The following SOCS5 variants were observed in gnomAD, a reference collection of about 807,000 sequenced individuals.
SOCS5 encodes suppressor of cytokine signaling 5.
SOCS5 carries 32 observed loss-of-function variants against 42.8 expected under a neutral mutation model. That is an observed-to-expected ratio of 0.75 (90% CI 0.56 to 1.01). The LOEUF (loss-of-function observed/expected upper bound fraction) is 1.01. SOCS5 is among the 50% of genes least tolerant of loss of function. SOCS5 has a pLI of 0.00. For synonymous variants in SOCS5, 283 were observed against 229.6 expected (o/e 1.23, Z -2.10); for missense variants, 627 against 653.0 (o/e 0.96, Z 0.43).
intron 1 of SOCS5, among the ~76,000 whole-genome samples, chr2:46,703,468 A>G (rs562011509): frequency 1.3e-5 from 2 of 152,268 alleles, no homozygotes; most frequent in African/African-American, 4.8e-5. Context: ...TTTATTGGAC[A>G]TTTATTGCAT....
chr2:46,729,797 C>A (rs973086094), intron 1 of SOCS5, among the ~76,000 whole-genome samples: 2 of 152,194 alleles, frequency 1.3e-5, no homozygotes, highest in African/African-American at 4.8e-5. Flanking sequence ...TCTTCAATAA[C>A]AAATTGACCT....
intron 1 of SOCS5, among the ~76,000 whole-genome samples, chr2:46,710,663 C>T (rs1329205014): frequency 6.6e-6 from 1 of 152,118 alleles, no homozygotes; most frequent in Non-Finnish European, 1.5e-5. Flanking sequence ...ACATCATATT[C>T]AGTGGTGAAA....
At chr2:46,744,327 G>A (rs76436868) in intron 1 of SOCS5, among the ~76,000 whole-genome samples, 2,828 of 152,124 alleles carry the variant, frequency 0.019, 84 homozygotes, top group African/African-American at 0.06. Flanking sequence ...AATAATATAA[G>A]ACCACTTATT....
chr2:46,739,648 C>T (rs944239457), intron 1 of SOCS5, among the ~76,000 whole-genome samples: 2 of 152,170 alleles, frequency 1.3e-5, no homozygotes, highest in African/African-American at 2.4e-5. Flanking sequence ...GTCCCCACCC[C>T]ATCGCATCCC....
chr2:46,720,957 CTGAG>C (rs1672870752), intron 1 of SOCS5, among the ~76,000 whole-genome samples: 1 of 152,140 alleles, frequency 6.6e-6, no homozygotes, highest in Admixed American at 6.6e-5. Flanking sequence ...TGCAGACATC[CTGAG>C]TGAGTCCGTT....
chr2:46,736,164 C>T (rs1673241428), intron 1 of SOCS5, among the ~76,000 whole-genome samples: 1 of 152,050 alleles, frequency 6.6e-6, no homozygotes, highest in South Asian at 2.1e-4. Flanking sequence ...GCCTTGACTT[C>T]CCAAGTAGCT....
intron 1 of SOCS5, among the ~76,000 whole-genome samples, chr2:46,732,262 C>T (rs1057285407): frequency 3.3e-5 from 5 of 152,166 alleles, no homozygotes; most frequent in East Asian, 1.9e-4. Context: ...TATTCCATTC[C>T]GAGAGCACAC....
intron 1 of SOCS5, among the ~76,000 whole-genome samples, chr2:46,738,391 A>G (rs1232186142): frequency 3.9e-5 from 6 of 152,224 alleles, no homozygotes; most frequent in Admixed American, 3.9e-4. Context: ...TGAACTAGGT[A>G]ACATTAAATA....
rs1240498192 is a variant in SOCS5, at chr2:46,750,625, A to G, written c.-12-7894A>G. Among the ~76,000 whole-genome samples the G allele has an allele frequency of 7.9e-5, 12 of 152,326 alleles. No homozygotes were observed. In the East Asian group the frequency reaches 2.1e-3, roughly 27 times the overall value. Reference sequence around the variant, plus strand: ...CAGAGAAGCAGTAGAACTTACTAATATAGAACCATTTGTTACAATAATACC... The same window carrying G: ...CAGAGAAGCAGTAGAACTTACTAATGTAGAACCATTTGTTACAATAATACC... On this transcript the variant is annotated intron_variant, in intron 1 of 1. Coordinates refer to ENST00000394861, the MANE Select transcript of SOCS5 (RefSeq NM_144949.3).
chr2:46,715,716 G>T (rs1672723267), intron 1 of SOCS5, among the ~76,000 whole-genome samples: 1 of 151,866 alleles, frequency 6.6e-6, no homozygotes, highest in Non-Finnish European at 1.5e-5. Flanking sequence ...TTTTCCTTTG[G>T]CTGCTTTTAA....
chr2:46,748,191 T>C (rs1030546471), intron 1 of SOCS5, among the ~76,000 whole-genome samples: 1 of 128,166 alleles, frequency 7.8e-6, no homozygotes, highest in Non-Finnish European at 1.7e-5. Context: ...TTCTTTTTCT[T>C]TTTTTTTTTT....
intron 1 of SOCS5, among the ~76,000 whole-genome samples, chr2:46,758,318 A>C (rs1484449204): frequency 6.6e-6 from 1 of 152,204 alleles, no homozygotes; most frequent in African/African-American, 2.4e-5. Flanking sequence ...GGCTTGAACA[A>C]GGTCAGTGCC....
At chr2:46,711,120 T>G (rs72802426) in intron 1 of SOCS5, among the ~76,000 whole-genome samples, 7,376 of 152,288 alleles carry the variant, frequency 0.048, 258 homozygotes, top group Non-Finnish European at 0.08. Context: ...TGAACATTCT[T>G]GTATAAGTCT....
chr2:46,729,658 A>T (rs748681064), intron 1 of SOCS5, among the ~76,000 whole-genome samples: 2 of 152,190 alleles, frequency 1.3e-5, no homozygotes, highest in Non-Finnish European at 2.9e-5. Context: ...AGCTTGCAGG[A>T]CTGGAAGTTG....
rs557793292 is a variant in SOCS5, at chr2:46,720,696, G to C, written c.-13+21247G>C. Among the ~76,000 whole-genome samples the C allele has an allele frequency of 3.3e-5, 5 of 152,278 alleles. No homozygotes were observed. In the South Asian group the frequency reaches 1.0e-3, roughly 32 times the overall value. ...TGTAAGGGATCTGGTCCAATTCCCT[G>C]TTTTTCAGATGAGTTTACAGAGAAC... On this transcript the variant is annotated intron_variant, in intron 1 of 1. Transcript: ENST00000394861.
Position 46,741,322 on chromosome 2 carries a change from C to T in SOCS5, c.-12-17197C>T, listed in dbSNP as rs183663621. Among the ~76,000 whole-genome samples the T allele has an allele frequency of 7.8e-4, 119 of 152,210 alleles. 3 individuals carry two copies. The East Asian group carries it at 0.016, about 21-fold the overall frequency. On this transcript the variant is annotated intron_variant, in intron 1 of 1. Coordinates refer to ENST00000394861, the MANE Select transcript of SOCS5 (RefSeq NM_144949.3). ...TGGTGCGATCTCAGCTCGCTGCAACCTCCACCTCCCAGGTTCAAGTGATTC... is the reference window on the plus strand; with the variant it reads ...TGGTGCGATCTCAGCTCGCTGCAACTTCCACCTCCCAGGTTCAAGTGATTC...
chr2:46,754,226 T>C (rs968386303), intron 1 of SOCS5, among the ~76,000 whole-genome samples: 1 of 152,180 alleles, frequency 6.6e-6, no homozygotes, highest in Non-Finnish European at 1.5e-5. Context: ...GCCATGCCCA[T>C]AATGTATCAT....
chr2:46,723,204 C>T (rs1021283663), intron 1 of SOCS5, among the ~76,000 whole-genome samples: 2 of 151,818 alleles, frequency 1.3e-5, no homozygotes, highest in Non-Finnish European at 2.9e-5. Context: ...GTGGTACTTT[C>T]GGTGTCATGT....
intron 1 of SOCS5, among the ~76,000 whole-genome samples, chr2:46,750,667 G>T (rs545140415): frequency 3.3e-5 from 5 of 152,258 alleles, no homozygotes; most frequent in Non-Finnish European, 7.4e-5. Context: ...TTTCTGAGCG[G>T]TATACAGGCC....
Sources: gnomAD v4.1 joint callset for allele counts (sites outside exome capture counted in the v4.1 genomes callset) on GRCh38, gnomAD v4.1.1 for gene constraint, MANE v1.5 for transcripts, NCBI Gene and HGNC (gene_info 2026-07-23, HGNC 2026-07-21) for gene names.